The following MAOB variants were observed in gnomAD, a reference collection of about 807,000 sequenced individuals.
MAOB encodes the protein amine oxidase [flavin-containing] B.
MAOB carries 15 observed loss-of-function variants against 41.9 expected under a neutral mutation model. That is an observed-to-expected ratio of 0.36 (90% CI 0.24 to 0.55). The LOEUF is 0.55. MAOB is among the 20% of genes least tolerant of loss of function. The pLI is 0.86. For missense variants in MAOB, 345 were observed against 398.7 expected, an observed-to-expected ratio of 0.87 and a Z score of 1.15; for synonymous variants, 167 against 144.2, an observed-to-expected ratio of 1.16 and a Z score of -1.13.
At chrX:43,863,340 A>G (rs940881662) in intron 1 of MAOB, among the ~76,000 whole-genome samples, 2 of 111,970 alleles carry the variant, frequency 1.8e-5, no homozygotes, top group African/African-American at 6.5e-5. Flanking sequence ...AATTATGTTC[A>G]TAAAGACTGT....
chrX:43,811,286 C>T lies in MAOB; in HGVS notation c.280-7882G>A, dbSNP rs1414852945. ...TGTCACATTTGGGAAGCCCTTTTGC[C>T]ATCATATTCTTGATGCTGGACCCAG... is the stretch of plus-strand genomic sequence containing the variant. On this transcript the variant is annotated intron_variant, in intron 3 of 14. Transcript: ENST00000378069. Among the ~76,000 whole-genome samples the T allele has an allele frequency of 3.6e-5, 4 of 111,278 alleles. No individual in the cohort carries two copies. The Admixed American group carries it at 3.8e-4, about 11-fold the overall frequency.
At chrX:43,789,527 C>G (rs947461931) in intron 8 of MAOB, among the ~76,000 whole-genome samples, 2 of 111,644 alleles carry the variant, frequency 1.8e-5, no homozygotes, top group Admixed American at 1.9e-4. Flanking sequence ...GCAAGGAGAC[C>G]ACAAGAATTC....
intron 1 of MAOB, among the ~76,000 whole-genome samples, chrX:43,856,863 T>C (rs891112224): frequency 9.3e-6 from 1 of 107,733 alleles, no homozygotes; most frequent in African/African-American, 3.4e-5. Context: ...AAAATCCACA[T>C]GTAAGTGGAC....
chrX:43,805,730 C>T (rs2034654780), intron 3 of MAOB, among the ~76,000 whole-genome samples: 1 of 112,070 alleles, frequency 8.9e-6, no homozygotes, highest in Non-Finnish European at 1.9e-5. Flanking sequence ...CTGCTATAAA[C>T]ATTCTTGTAC....
At chrX:43,866,592 A>G (rs1235460265) in intron 1 of MAOB, among the ~76,000 whole-genome samples, 1 of 112,510 alleles carries the variant, frequency 8.9e-6, no homozygotes, top group Non-Finnish European at 1.9e-5. Context: ...CTTAATGCGT[A>G]CAGAGTTTCT....
intron 1 of MAOB, among the ~76,000 whole-genome samples, chrX:43,859,784 G>GT (rs1215440246): frequency 2.7e-5 from 3 of 111,655 alleles, no homozygotes; most frequent in African/African-American, 9.8e-5. Context: ...GCATGTTCTG[G>GT]TATCTTCCAT....
chrX:43,778,717 A>G lies in MAOB; in HGVS notation c.1102T>C (p.Tyr368His). 1 of 1,206,803 alleles carries G rather than the reference A, an allele frequency of 8.3e-7. No individual in the cohort carries two copies. The highest frequency in any genetic ancestry group is 1.1e-6 in the Non-Finnish European group (1 of 892,094). The change falls in exon 11 of 15, where the codon TAT becomes CAT. Residue 368 changes from tyrosine (Y) to histidine (H), a missense_variant. By Grantham distance (83) the Tyr-to-His change is moderately conservative (BLOSUM62 2). Coordinates refer to ENST00000378069, the MANE Select transcript of MAOB (RefSeq NM_000898.5). ...EERLKKLCEL[Y>H]AKVLGSLEAL... The stretch of plus-strand genomic sequence containing the variant: ...TCTAGGGAACCCAGAACCTTGGCAT[A>G]GAGTTCACAAAGTTTCTTCAACCTG...
At chrX:43,775,343 G>A in intron 11 of MAOB, 71 bp from the exon 12 acceptor site, 3 of 1,144,434 alleles carry the variant, frequency 2.6e-6, no homozygotes, top group Non-Finnish European at 2.3e-6. Context: ...AAATCGAACA[G>A]TTTAGTAGGC....
chrX:43,882,131 G>T, intron 1 of MAOB, 123 bp downstream of exon 1: 1 of 1,093,907 alleles, frequency 9.1e-7, no homozygotes, highest in African/African-American at 1.9e-5. Context: ...AGCCCTGCCC[G>T]TGCGTGGACA....
intron 12 of MAOB, among the ~76,000 whole-genome samples, chrX:43,769,712 A>G (rs535053349): frequency 9.0e-6 from 1 of 111,690 alleles, no homozygotes; most frequent in African/African-American, 3.3e-5. Flanking sequence ...GGGACTGTGT[A>G]AGCCCAGTCA....
chrX:43,822,624 G>T (rs1260660716), intron 3 of MAOB, among the ~76,000 whole-genome samples: 7 of 111,987 alleles, frequency 6.3e-5, no homozygotes, highest in Non-Finnish European at 1.1e-4. Context: ...ACTGGACTGA[G>T]ATAAAAAGAA....
chrX:43,874,424 C>T (rs753452261), intron 1 of MAOB, among the ~76,000 whole-genome samples: 3 of 111,440 alleles, frequency 2.7e-5, no homozygotes, highest in Non-Finnish European at 3.8e-5. Context: ...CAGCTGATCA[C>T]CTCTCAATCC....
At chrX:43,842,677 G>A (rs1299460100) in intron 2 of MAOB, among the ~76,000 whole-genome samples, 1 of 112,166 alleles carries the variant, frequency 8.9e-6, no homozygotes, top group Admixed American at 9.5e-5. Flanking sequence ...CACCCTAAGT[G>A]TCCATCAGTG....
intron 14 of MAOB, among the ~76,000 whole-genome samples, chrX:43,768,094 A>T (rs988400518): frequency 1.8e-5 from 2 of 112,016 alleles, no homozygotes; most frequent in Admixed American, 9.5e-5. Context: ...TTGACTTCAC[A>T]CTTAAAAGGA....
At chrX:43,804,977 A>T (rs1415723186) in intron 3 of MAOB, among the ~76,000 whole-genome samples, 1 of 111,578 alleles carries the variant, frequency 9.0e-6, no homozygotes, top group Non-Finnish European at 1.9e-5. Context: ...TACTCATTTT[A>T]TTTTAGTTTA....
At chrX:43,823,990 C>T (rs954945064) in intron 3 of MAOB, among the ~76,000 whole-genome samples, 1 of 112,180 alleles carries the variant, frequency 8.9e-6, no homozygotes, top group African/African-American at 3.2e-5. Context: ...CTCATGCTGA[C>T]CTAAAGTGGG....
intron 5 of MAOB, among the ~76,000 whole-genome samples, chrX:43,799,317 G>A (rs887135008): frequency 4.5e-5 from 5 of 112,237 alleles, no homozygotes; most frequent in Non-Finnish European, 7.5e-5. Flanking sequence ...CACATATCCA[G>A]ACGTCAATTT....
chrX:43,769,604 A>C (rs2034155558), intron 12 of MAOB, among the ~76,000 whole-genome samples, 186 bp from the exon 13 acceptor site: 1 of 111,757 alleles, frequency 8.9e-6, no homozygotes, highest in African/African-American at 3.3e-5. Context: ...AACAAAATAG[A>C]ATAAAAGCCA....
intron 7 of MAOB, among the ~76,000 whole-genome samples, chrX:43,795,382 A>G (rs935042888): frequency 2.7e-5 from 3 of 111,388 alleles, no homozygotes; most frequent in Admixed American, 9.4e-5. Flanking sequence ...ATTCTCAAGG[A>G]ACCTCCAGTT....
Sources: gnomAD v4.1 joint callset for allele counts (sites outside exome capture counted in the v4.1 genomes callset) on GRCh38, gnomAD v4.1.1 for gene constraint, MANE v1.5 for transcripts, NCBI Gene and HGNC (gene_info 2026-07-23, HGNC 2026-07-21) for gene names.